GRIA3: variants seen among roughly 807,000 people sequenced by gnomAD.
GRIA3 encodes glutamate receptor 3.
In GRIA3, 3 loss-of-function variants were observed where a neutral mutation model predicts 63.0. The observed-to-expected ratio is 0.05, with a 90% CI of 0.02 to 0.12. GRIA3 has a LOEUF of 0.12. Ranked by LOEUF, GRIA3 falls within the 10% of genes least tolerant of loss-of-function variation. The probability of loss-of-function intolerance (pLI) is 1.00; values close to 1 mark genes in which losing one functional copy is unlikely to be tolerated. For missense variants in GRIA3, 347 were observed against 700.9 expected, an observed-to-expected ratio of 0.50 and a Z score of 5.70; for synonymous variants, 274 against 257.9, an observed-to-expected ratio of 1.06 and a Z score of -0.60.
chrX:123,246,378 T>C (rs1437080278), intron 2 of GRIA3, among the ~76,000 whole-genome samples: 2 of 111,936 alleles, frequency 1.8e-5, no homozygotes, highest in African/African-American at 6.5e-5. Context: ...GTTGTGTTCC[T>C]ATCTGGAAGC....
chrX:123,309,642 T>A (rs2044777473), intron 3 of GRIA3, among the ~76,000 whole-genome samples: 1 of 112,026 alleles, frequency 8.9e-6, no homozygotes, highest in Non-Finnish European at 1.9e-5. Flanking sequence ...AATATATACA[T>A]GTTTTATGGC....
chrX:123,463,576 A>AAGGAAGGAAGGAAGGGAGGGAGGG (rs1569440728), intron 12 of GRIA3, among the ~76,000 whole-genome samples: 1 of 13,736 alleles, frequency 7.3e-5, no homozygotes, highest in African/African-American at 3.6e-4. Flanking sequence ...GGAAGGAAGG[A>AAGGAAGGAAGGAAGGGAGGGAGGG]AGGGAGGGAG....
rs144902457 is a variant in GRIA3 at position 123,253,500 on chromosome X, T to C, written c.466T>C (p.Tyr156His). The stretch of plus-strand genomic sequence containing the variant: ...CGCTATTCTGAGTCTTCTGGGTCAT[T>C]ACAAGTGGGAGAAGTTTGTGTACCT... ...KGAILSLLGH[Y>H]KWEKFVYLYD... is the part of the protein sequence containing the mutation. Residue 156 changes from tyrosine to histidine, a missense_variant, in exon 3 of 16, where the codon TAC becomes CAC. This residue lies in a region of GRIA3 where 113 missense variants were observed against 130.6 expected (regional missense o/e 0.87). Transcript: ENST00000620443. 83 of 1,206,821 alleles carry C rather than the reference T, an allele frequency of 6.9e-5. No individual in the cohort carries two copies. The highest frequency in any genetic ancestry group is 8.3e-5 in the Non-Finnish European group (74 of 892,492).
chrX:123,378,657 C>T (rs1039361956), intron 5 of GRIA3, among the ~76,000 whole-genome samples: 2 of 110,767 alleles, frequency 1.8e-5, no homozygotes, highest in Non-Finnish European at 3.8e-5. Context: ...GTGATCTGCC[C>T]ACCTCCGCCT....
intron 5 of GRIA3, among the ~76,000 whole-genome samples, chrX:123,392,038 G>A (rs1490201671): frequency 8.9e-6 from 1 of 112,047 alleles, no homozygotes; most frequent in Non-Finnish European, 1.9e-5. Context: ...TGGTAGGCAG[G>A]GGCGAGGTGA....
chrX:123,422,456 A>G (rs1174664613), intron 11 of GRIA3, among the ~76,000 whole-genome samples: 1 of 112,300 alleles, frequency 8.9e-6, no homozygotes, highest in Admixed American at 9.5e-5. Flanking sequence ...CTGATTTATT[A>G]GGAGGAGTCG....
rs758315536 is a variant in GRIA3 at position 123,480,251 on chromosome X, C to T, written c.2439+74C>T. 97 of 655,750 alleles carry T rather than the reference C, an allele frequency of 1.5e-4. 1 individual carries two copies. The Admixed American group carries it at 1.6e-3, about 11-fold the overall frequency. The allele number at this position is 655,750 out of a possible 1,213,427, so 54.0% of individuals were successfully genotyped here. Reference sequence around the variant, plus strand: ...CCACTGTTTATTTTCTACCCTAAAACGGCTTTCCTTCCCAACACACACTCC... The same window carrying T: ...CCACTGTTTATTTTCTACCCTAAAATGGCTTTCCTTCCCAACACACACTCC... On this transcript the variant is annotated intron_variant, in intron 14 of 15. Coordinates refer to ENST00000620443, the MANE Select transcript of GRIA3 (RefSeq NM_007325.5).
At chrX:123,456,779 G>A (rs969918850) in intron 12 of GRIA3, among the ~76,000 whole-genome samples, 12 of 111,556 alleles carry the variant, frequency 1.1e-4, no homozygotes, top group African/African-American at 3.6e-4. Flanking sequence ...GCATATCCTA[G>A]TATTGGTCAA....
chrX:123,199,220 T>C (rs1335042093), intron 2 of GRIA3, among the ~76,000 whole-genome samples: 1 of 110,461 alleles, frequency 9.1e-6, no homozygotes, highest in Non-Finnish European at 1.9e-5. Context: ...TCCATAAGCA[T>C]AGATTCATGA....
At chrX:123,433,898 T>C (rs972176467) in intron 12 of GRIA3, among the ~76,000 whole-genome samples, 1 of 111,991 alleles carries the variant, frequency 8.9e-6, no homozygotes, top group Non-Finnish European at 1.9e-5. Flanking sequence ...TTGGTCATTA[T>C]AGTTTTTCAT....
rs183448901 is a variant in GRIA3, at chrX:123,192,288, G to A, written c.268+6298G>A. ...GTGGAGACTGAACCTGCCTATGTGGGCACTGTCAGGAGATGTACTGGCACA... is the reference window on the plus strand; with the variant it reads ...GTGGAGACTGAACCTGCCTATGTGGACACTGTCAGGAGATGTACTGGCACA... On this transcript the variant is annotated intron_variant, in intron 2 of 15. Transcript: ENST00000620443. 4.5e-3 allele frequency among the ~76,000 whole-genome samples: 498 copies of A among 111,476 alleles called. 4 individuals are homozygous for A. The highest frequency in any genetic ancestry group is 0.014 in the Middle Eastern group (3 of 216).
chrX:123,307,117 A>G (rs2044759847), intron 3 of GRIA3, among the ~76,000 whole-genome samples: 1 of 111,905 alleles, frequency 8.9e-6, no homozygotes. Context: ...GTCAGGCTCT[A>G]GGGACAAGAG....
At chrX:123,266,882 T>C (rs2044492000) in intron 3 of GRIA3, among the ~76,000 whole-genome samples, 1 of 109,947 alleles carries the variant, frequency 9.1e-6, no homozygotes, top group African/African-American at 3.3e-5. Flanking sequence ...ATTCCCCCCA[T>C]ACACACACAC....
chrX:123,234,364 G>T (rs754966606), intron 2 of GRIA3, among the ~76,000 whole-genome samples: 10 of 111,844 alleles, frequency 8.9e-5, no homozygotes. Flanking sequence ...ACTCTCTAAA[G>T]CTTCTACCCT....
intron 12 of GRIA3, among the ~76,000 whole-genome samples, chrX:123,458,477 C>T (rs935706182): frequency 9.0e-6 from 1 of 111,036 alleles, no homozygotes; most frequent in African/African-American, 3.3e-5. Context: ...TAAGCTACTT[C>T]CTATGCCTCC....
At chrX:123,302,212 T>G (rs1255547181) in intron 3 of GRIA3, among the ~76,000 whole-genome samples, 1 of 112,058 alleles carries the variant, frequency 8.9e-6, no homozygotes, top group African/African-American at 3.2e-5. Flanking sequence ...TGGTTCTTTC[T>G]AAATTCTGGG....
rs2045066943 is a variant in GRIA3, at chrX:123,348,285, T to A, written c.697-6625T>A. On this transcript the variant is annotated intron_variant, in intron 4 of 15. Transcript: ENST00000620443. ...TGTGAATATAGAAATATATAAATAG[T>A]TCACAGTAAATTTCACAAAAGAAGA... Among the ~76,000 whole-genome samples, 3 of 112,112 alleles carry A rather than the reference T, an allele frequency of 2.7e-5. No individual in the cohort carries two copies. In the South Asian group the frequency reaches 1.1e-3, roughly 42 times the overall value.
At position 123,482,845 on chromosome X, in the gene GRIA3, A is replaced by G; in HGVS notation, c.2486A>G (p.Tyr829Cys). The G allele has an allele frequency of 8.3e-7, 1 of 1,209,955 alleles. No homozygotes were observed. Among genetic ancestry groups the G allele is most frequent in the Non-Finnish European group, 1.1e-6 (1 of 893,893 alleles). ...CTGAGCAATGTGGCAGGCGTTTTCT[A>G]TATACTTGTCGGAGGTCTGGGGCTG... ...LSLSNVAGVF[Y>C]ILVGGLGLAM... Residue 829 changes from tyrosine to cysteine, a missense_variant, in exon 15 of 16, where the codon TAT (tyrosine) becomes TGT (cysteine). Tyr to Cys is a radical substitution (Grantham distance 194). This residue lies in a region of GRIA3 where 49 missense variants were observed against 176.6 expected (regional missense o/e 0.28). Coordinates refer to ENST00000620443, the MANE Select transcript of GRIA3 (RefSeq NM_007325.5).
Position 123,312,659 on chromosome X carries a change from C to T in GRIA3, c.509-13367C>T, listed in dbSNP as rs151094629. Among the ~76,000 whole-genome samples the T allele has an allele frequency of 3.8e-4, 42 of 111,720 alleles. No individual in the cohort carries two copies. In the East Asian group the frequency reaches 0.01, roughly 28 times the overall value. Reference sequence around the variant, plus strand: ...TTGTGGGCTCTCTCACTCCTCCATGCAAAGGTACTGAAGGAAAGGAGAAGA... The same window carrying T: ...TTGTGGGCTCTCTCACTCCTCCATGTAAAGGTACTGAAGGAAAGGAGAAGA... On this transcript the variant is annotated intron_variant, in intron 3 of 15. Transcript: ENST00000620443.
Sources: allele counts gnomAD v4.1 joint callset (sites outside exome capture counted in the v4.1 genomes callset), GRCh38; gene constraint gnomAD v4.1.1; regional missense constraint gnomAD v4.1.1; transcripts MANE v1.5; gene names NCBI Gene and HGNC (gene_info 2026-07-23, HGNC 2026-07-21).